FNTB: variants seen among roughly 807,000 people sequenced by gnomAD.
The protein encoded by FNTB is protein farnesyltransferase subunit beta.
In FNTB, 27 loss-of-function variants were observed where a neutral mutation model predicts 59.4. The ratio of observed to expected loss-of-function variants is 0.45; its 90% CI spans 0.34 to 0.63. The LOEUF (loss-of-function observed/expected upper bound fraction) is 0.63, where lower values mean the gene tolerates loss of function less well. Ranked by LOEUF, FNTB falls within the 20% of genes least tolerant of loss-of-function variation. The pLI, the probability that FNTB is intolerant of heterozygous loss-of-function variation, is 0.02. For missense variants in FNTB, 449 were observed against 559.6 expected (o/e 0.80, Z 1.99); for synonymous variants, 230 against 220.7 (o/e 1.04, Z -0.37).
At chr14:65,048,288 T>C (rs1287262571) in intron 9 of FNTB, among the ~76,000 whole-genome samples, 2 of 151,964 alleles carry the variant, frequency 1.3e-5, no homozygotes, top group Non-Finnish European at 1.5e-5. Context: ...TGGCCAACTT[T>C]TTAGATTTTC....
rs1272475423 is a variant in FNTB at position 65,012,930 on chromosome 14, C to T, written c.282+541C>T. 2.0e-5 allele frequency among the ~76,000 whole-genome samples: 3 copies of T among 152,110 alleles called. No individual in the cohort carries two copies. On this transcript the variant is annotated intron_variant, in intron 3 of 11. Coordinates refer to ENST00000246166, the MANE Select transcript of FNTB (RefSeq NM_002028.4). This position sits in a 1 kb window ranked among gnomAD's most constrained non-coding sequence, Gnocchi z 5.0. Reference sequence around the variant, plus strand: ...CTAGAGGACCAGTATAGAGAGTGGTCCTTGCAATTTAACATTACTGTTTAA... The same window carrying T: ...CTAGAGGACCAGTATAGAGAGTGGTTCTTGCAATTTAACATTACTGTTTAA...
At chr14:65,008,003 C>A (rs2061621954) in intron 2 of FNTB, among the ~76,000 whole-genome samples, 1 of 152,210 alleles carries the variant, frequency 6.6e-6, no homozygotes, top group African/African-American at 2.4e-5. Context: ...ACCAGCTTAG[C>A]TCCCGTGTTT....
At chr14:65,021,954 C>G (rs1236744831) in intron 4 of FNTB, 1 of 455,954 alleles carries the variant, frequency 2.2e-6, no homozygotes, top group Admixed American at 2.4e-5. Flanking sequence ...CCTATAGTAG[C>G]CAACTTTCGA....
chr14:65,053,871 G>T (rs902874367), intron 10 of FNTB, among the ~76,000 whole-genome samples: 1 of 152,168 alleles, frequency 6.6e-6, no homozygotes, highest in Non-Finnish European at 1.5e-5. Flanking sequence ...TCCAGGGGAA[G>T]GCCTGGTCCC....
rs1411159517 is a variant in FNTB at position 65,023,106 on chromosome 14, G to A, written c.375-4347G>A. Reference sequence around the variant, plus strand: ...AGGGTCTCACTCTATTGTCTGGGCTGGAATGCAGTGGCACAATCACAGCTC... The same window carrying A: ...AGGGTCTCACTCTATTGTCTGGGCTAGAATGCAGTGGCACAATCACAGCTC... On this transcript the variant is annotated intron_variant, in intron 4 of 11. Coordinates refer to ENST00000246166, the MANE Select transcript of FNTB (RefSeq NM_002028.4). This position sits in a 1 kb window ranked among gnomAD's most constrained non-coding sequence, Gnocchi z 4.1. Among the ~76,000 whole-genome samples, 1 of 152,188 alleles carries A rather than the reference G, an allele frequency of 6.6e-6. No individual in the cohort carries two copies. The highest frequency in any genetic ancestry group is 2.4e-5 in the African/African-American group (1 of 41,442).
chr14:65,057,825 A>C (rs1320545842), intron 11 of FNTB, among the ~76,000 whole-genome samples: 1 of 152,154 alleles, frequency 6.6e-6, no homozygotes, highest in Non-Finnish European at 1.5e-5. Flanking sequence ...TTTCCTGCTG[A>C]TGTGTATCTC....
At position 65,031,923 on chromosome 14, in the gene FNTB, T is replaced by C. The variant is rs775457611; in HGVS notation, c.606-687T>C. On this transcript the variant is annotated intron_variant, in intron 6 of 11. Transcript: ENST00000246166. This position sits in a 1 kb window ranked among gnomAD's most constrained non-coding sequence, Gnocchi z 4.6. ...GCGACAGAGTGAGACCCTGTCTCAATAAAAACCAAAACAAAAGCAAAACAA... is the reference window on the plus strand; with the variant it reads ...GCGACAGAGTGAGACCCTGTCTCAACAAAAACCAAAACAAAAGCAAAACAA... Among the ~76,000 whole-genome samples, 1 of 151,336 alleles carries C rather than the reference T, an allele frequency of 6.6e-6. No homozygotes were observed. The highest frequency in any genetic ancestry group is 6.6e-5 in the Admixed American group (1 of 15,196).
chr14:65,036,095 A>G (rs1039098899), intron 7 of FNTB, among the ~76,000 whole-genome samples: 3 of 151,892 alleles, frequency 2.0e-5, no homozygotes, highest in African/African-American at 7.3e-5. Flanking sequence ...AGCCCCACAA[A>G]GTGTTGGAAT....
chr14:65,028,038 A>C lies in FNTB; in HGVS notation c.605+257A>C, dbSNP rs1432076030. The stretch of plus-strand genomic sequence containing the variant: ...CTTTTGTTTTAGAAATTAAAAATAC[A>C]TTTGTTTGGTACAAAATGATATACC... On this transcript the variant is annotated intron_variant, in intron 6 of 11. Coordinates refer to ENST00000246166, the MANE Select transcript of FNTB (RefSeq NM_002028.4). The surrounding 1 kb of genome is among the most constrained non-coding windows in gnomAD (Gnocchi z 4.4). 1.3e-5 allele frequency among the ~76,000 whole-genome samples: 2 copies of C among 152,216 alleles called. No homozygotes were observed. Among genetic ancestry groups the C allele is most frequent in the Non-Finnish European group, 2.9e-5 (2 of 68,042 alleles).
intron 8 of FNTB, among the ~76,000 whole-genome samples, chr14:65,041,816 G>C (rs1200380705): frequency 6.6e-6 from 1 of 152,160 alleles, no homozygotes; most frequent in Non-Finnish European, 1.5e-5. Flanking sequence ...GAGTTTCTCA[G>C]ATGTTTTAAA....
Position 65,044,839 on chromosome 14 carries a change from A to ACTGAGG in FNTB, c.955+396_955+397insCTGAGG. 2 of 170,034 alleles carry ACTGAGG rather than the reference A, an allele frequency of 1.2e-5. No homozygotes were observed. The highest frequency in any genetic ancestry group is 1.2e-5 in the Non-Finnish European group (1 of 80,250). The allele number at this position is 170,034 out of a possible 1,614,324, so 10.5% of individuals were successfully genotyped here. On this transcript the variant is annotated intron_variant, in intron 9 of 11. Coordinates refer to ENST00000246166, the MANE Select transcript of FNTB (RefSeq NM_002028.4). The surrounding 1 kb of genome is among the most constrained non-coding windows in gnomAD (Gnocchi z 5.5). Reference sequence around the variant, plus strand: ...GTGTTGCAACAGTCACTGTTGCAACAGCAACAGGAAAGGCAACTGCGTAAA... The same window carrying ACTGAGG: ...GTGTTGCAACAGTCACTGTTGCAACACTGAGGGCAACAGGAAAGGCAACTGCGTAAA...
intron 4 of FNTB, among the ~76,000 whole-genome samples, chr14:65,018,827 A>AG (rs1251024232): frequency 6.9e-6 from 1 of 145,480 alleles, no homozygotes; most frequent in East Asian, 2.1e-4. Flanking sequence ...AAAAAAAAAA[A>AG]AGGCCAGGCG....
In FNTB at chr14:65,030,380, T is replaced by G. The variant is rs1447630274; in HGVS notation, c.606-2230T>G. On this transcript the variant is annotated intron_variant, in intron 6 of 11. Coordinates refer to ENST00000246166, the MANE Select transcript of FNTB (RefSeq NM_002028.4). The surrounding 1 kb of genome is among the most constrained non-coding windows in gnomAD (Gnocchi z 4.5). ...TGGTAGGATCATAATGCATGCAGCT[T>G]CTGCAGAGACTTCTTTGGAATACCT... is the stretch of plus-strand genomic sequence containing the variant. Among the ~76,000 whole-genome samples, 2 of 152,236 alleles carry G rather than the reference T, an allele frequency of 1.3e-5. No homozygotes were observed. Among genetic ancestry groups the G allele is most frequent in the African/African-American group, 4.8e-5 (2 of 41,452 alleles).
chr14:65,009,736 G>A lies in FNTB; in HGVS notation c.210-2581G>A, dbSNP rs1368094190. On this transcript the variant is annotated intron_variant, in intron 2 of 11. Transcript: ENST00000246166. The surrounding 1 kb of genome is among the most constrained non-coding windows in gnomAD (Gnocchi z 4.2). ...CCAGCTGAACTAAACTAACTCAAAT[G>A]TGTCATGGTGTTTTCTTCATTTTGC... Among the ~76,000 whole-genome samples the A allele has an allele frequency of 2.0e-5, 3 of 152,216 alleles. No homozygotes were observed. The East Asian group carries it at 5.8e-4, about 29-fold the overall frequency.
At position 65,053,279 on chromosome 14, in the gene FNTB, C is replaced by A; in HGVS notation, c.997C>A (p.Gln333Lys). The A allele has an allele frequency of 6.8e-7, 1 of 1,463,428 alleles. No homozygotes were observed. The highest frequency in any genetic ancestry group is 2.3e-5 in the Admixed American group (1 of 43,430). 90.7% of individuals were successfully genotyped at this position (1,463,428 alleles called of 1,614,324 possible). Reference protein sequence around the residue: ...LSMSHWMFHQQALQEYILMCC... With the variant: ...LSMSHWMFHQKALQEYILMCC... The stretch of plus-strand genomic sequence containing the variant: ...CATGAGCCACTGGATGTTCCATCAG[C>A]AGGCCCTGCAGGAGTACATCCTGAT... The change falls in exon 10 of 12, where the codon CAG becomes AAG. Residue 333 changes from glutamine to lysine, a missense_variant. Physicochemically the swap from Gln to Lys is moderately conservative, Grantham distance 53. This residue lies in a region of FNTB where 337 missense variants were observed against 479.1 expected (regional missense o/e 0.70). Transcript: ENST00000246166.
At chr14:65,026,854 C>T (rs1378828661) in intron 4 of FNTB, among the ~76,000 whole-genome samples, 1 of 151,556 alleles carries the variant, frequency 6.6e-6, no homozygotes, top group Non-Finnish European at 1.5e-5. Context: ...CGAGGGCAAC[C>T]CCGCCTCAAA....
intron 7 of FNTB, among the ~76,000 whole-genome samples, chr14:65,038,704 C>T (rs891898598): frequency 3.9e-5 from 6 of 152,052 alleles, no homozygotes; most frequent in African/African-American, 1.4e-4. Context: ...GGCATCAGAG[C>T]GAGACTCTGT....
In FNTB at chr14:64,989,539, A is replaced by C. The variant is rs1289250462; in HGVS notation, c.144+2442A>C. Among the ~76,000 whole-genome samples the C allele has an allele frequency of 5.3e-5, 8 of 152,124 alleles. No homozygotes were observed. The East Asian group carries it at 5.8e-4, about 11-fold the overall frequency. On this transcript the variant is annotated intron_variant, in intron 1 of 11. Coordinates refer to ENST00000246166, the MANE Select transcript of FNTB (RefSeq NM_002028.4). Reference sequence around the variant, plus strand: ...ATGAAAGCTTTTCAAATTAAAAAAAAAAACAAACAAAAAATAAATGCTTGT... The same window carrying C: ...ATGAAAGCTTTTCAAATTAAAAAAACAAACAAACAAAAAATAAATGCTTGT...
Position 65,061,396 on chromosome 14 carries a change from T to C in FNTB, c.*84T>C. ...ACGTTTCAATACATACTGCATTCTGTGCTACACAAGCCTTAGCCTCAGTGG... is the reference window on the plus strand; with the variant it reads ...ACGTTTCAATACATACTGCATTCTGCGCTACACAAGCCTTAGCCTCAGTGG... On this transcript the variant is annotated 3_prime_UTR_variant, in exon 12 of 12. Coordinates refer to ENST00000246166, the MANE Select transcript of FNTB (RefSeq NM_002028.4). The C allele has an allele frequency of 6.4e-7, 1 of 1,573,654 alleles. No individual in the cohort carries two copies. The highest frequency in any genetic ancestry group is 1.2e-5 in the South Asian group (1 of 86,048).
Sources: gnomAD v4.1 joint callset for allele counts (sites outside exome capture counted in the v4.1 genomes callset) on GRCh38, gnomAD v4.1.1 for gene constraint, gnomAD v4.1.1 regional missense constraint, Gnocchi (gnomAD v3.1) non-coding constraint, MANE v1.5 for transcripts, NCBI Gene and HGNC (gene_info 2026-07-23, HGNC 2026-07-21) for gene names.